Variants in GRIK2 observed in about 807,000 individuals in gnomAD.
GRIK2 encodes the protein glutamate ionotropic receptor kainate type subunit 2, also known as glutamate receptor ionotropic, kainate 2.
A neutral mutation model predicts 100.3 loss-of-function variants in GRIK2; 32 were observed. The observed-to-expected ratio is 0.32, with a 90% CI of 0.24 to 0.43. The LOEUF (loss-of-function observed/expected upper bound fraction) is 0.43, where lower values mean the gene tolerates loss of function less well. Ranked by LOEUF, GRIK2 falls within the 20% of genes least tolerant of loss-of-function variation. The pLI is 1.00. For missense variants in GRIK2, 843 were observed against 1,114.9 expected (o/e 0.76, Z 3.47); for synonymous variants, 417 against 389.4 (o/e 1.07, Z -0.83).
chr6:101,999,533 A>ATTG (rs1794822954), intron 14 of GRIK2, among the ~76,000 whole-genome samples: 1 of 152,058 alleles, frequency 6.6e-6, no homozygotes, highest in Non-Finnish European at 1.5e-5. Flanking sequence ...AACACAATTG[A>ATTG]TTGTTAATAG....
chr6:101,524,594 C>CA (rs1317921908), intron 2 of GRIK2, among the ~76,000 whole-genome samples: 1 of 152,050 alleles, frequency 6.6e-6, no homozygotes, highest in African/African-American at 2.4e-5. Flanking sequence ...GTGTGATGCC[C>CA]AAATAGTAGA....
At chr6:101,986,568 T>G (rs1794026937) in intron 14 of GRIK2, among the ~76,000 whole-genome samples, 1 of 152,028 alleles carries the variant, frequency 6.6e-6, no homozygotes, top group Admixed American at 6.6e-5. Flanking sequence ...TACAGAGGTT[T>G]GTTTGCTTTT....
intron 7 of GRIK2, among the ~76,000 whole-genome samples, chr6:101,751,030 A>G (rs1381688606): frequency 2.6e-5 from 4 of 152,184 alleles, no homozygotes. Context: ...ACCCTCTTTT[A>G]CCATGTACTA....
At chr6:101,804,963 G>A (rs893674928) in intron 9 of GRIK2, among the ~76,000 whole-genome samples, 19 of 151,906 alleles carry the variant, frequency 1.3e-4, no homozygotes, top group African/African-American at 4.6e-4. Context: ...ACAGCTCAAG[G>A]TCTAGATTCA....
intron 2 of GRIK2, among the ~76,000 whole-genome samples, chr6:101,403,341 C>T (rs1056799788): frequency 2.0e-5 from 3 of 152,174 alleles, no homozygotes; most frequent in Non-Finnish European, 4.4e-5. Flanking sequence ...TAACTTTTCT[C>T]TTAAAGACAA....
rs1378555985 is a variant in GRIK2 at position 102,068,366 on chromosome 6, T to C, written c.2582T>C (p.Met861Thr). 2 of 1,611,026 alleles carry C rather than the reference T, an allele frequency of 1.2e-6. No individual in the cohort carries two copies. Among genetic ancestry groups the C allele is most frequent in the East Asian group, 2.2e-5 (1 of 44,844 alleles). The stretch of plus-strand genomic sequence containing the variant: ...CTGTAGAGGTCCTTCTGTAGTGCCA[T>C]GGTAGAAGAATTGAGGATGTCCCTG... ...QLEKRSFCSA[M>T]VEELRMSLKC... The change falls in exon 17 of 17, where the codon ATG (methionine) becomes ACG (threonine). Residue 861 changes from methionine to threonine, a missense_variant. By Grantham distance (81) the Met-to-Thr change is moderately conservative (BLOSUM62 -1). Transcript: ENST00000369134.
chr6:101,554,215 A>G (rs191794467), intron 2 of GRIK2, among the ~76,000 whole-genome samples: 5 of 152,258 alleles, frequency 3.3e-5, no homozygotes, highest in Admixed American at 6.5e-5. Flanking sequence ...TAGAGACCCA[A>G]TGTGAGACCA....
At chr6:102,003,464 A>G (rs1379508535) in intron 14 of GRIK2, among the ~76,000 whole-genome samples, 2 of 151,798 alleles carry the variant, frequency 1.3e-5, no homozygotes, top group Non-Finnish European at 3.0e-5. Context: ...TGATTGTAAT[A>G]AACATACTAC....
chr6:101,510,389 C>A (rs1774238184), intron 2 of GRIK2, among the ~76,000 whole-genome samples: 1 of 152,084 alleles, frequency 6.6e-6, no homozygotes, highest in Non-Finnish European at 1.5e-5. Flanking sequence ...CTTCCAATCC[C>A]ATCATCTTAA....
intron 14 of GRIK2, among the ~76,000 whole-genome samples, chr6:101,976,442 AACC>A (rs1793385492): frequency 6.6e-6 from 1 of 151,988 alleles, no homozygotes; most frequent in Non-Finnish European, 1.5e-5. Flanking sequence ...CATGCCTGTA[AACC>A]CAGCACTTTG....
chr6:101,811,085 G>A (rs993955292), intron 9 of GRIK2, among the ~76,000 whole-genome samples: 3 of 152,066 alleles, frequency 2.0e-5, no homozygotes, highest in Non-Finnish European at 4.4e-5. Flanking sequence ...TCCAAGGGAA[G>A]TAGTCAATAT....
At chr6:101,930,804 ACT>A in intron 14 of GRIK2, among the ~76,000 whole-genome samples, 1 of 151,450 alleles carries the variant, frequency 6.6e-6, no homozygotes, top group Admixed American at 6.6e-5. Context: ...TTTCCTTGCT[ACT>A]GACTTTTCTT....
At chr6:101,725,360 A>C (rs1281799548) in intron 7 of GRIK2, among the ~76,000 whole-genome samples, 1 of 152,048 alleles carries the variant, frequency 6.6e-6, no homozygotes, top group Non-Finnish European at 1.5e-5. Flanking sequence ...AGTCCTCTCT[A>C]TTGTAATTTC....
intron 2 of GRIK2, among the ~76,000 whole-genome samples, chr6:101,616,788 C>T (rs192832283): frequency 1.3e-4 from 19 of 151,844 alleles, no homozygotes; most frequent in African/African-American, 4.3e-4. Context: ...CACCTCAATA[C>T]ATTTGATTCA....
chr6:101,934,506 G>A (rs1276117628), intron 14 of GRIK2, among the ~76,000 whole-genome samples: 1 of 151,812 alleles, frequency 6.6e-6, no homozygotes, highest in African/African-American at 2.4e-5. Context: ...TGCTAGTGTG[G>A]CATGCCTGCA....
chr6:101,648,018 G>C (rs1347026676), intron 4 of GRIK2, among the ~76,000 whole-genome samples: 1 of 151,942 alleles, frequency 6.6e-6, no homozygotes, highest in East Asian at 1.9e-4. Context: ...CTCATCCCCA[G>C]TTGTGACAAT....
At chr6:101,646,414 G>A (rs1781529766) in intron 4 of GRIK2, among the ~76,000 whole-genome samples, 1 of 151,516 alleles carries the variant, frequency 6.6e-6, no homozygotes, top group South Asian at 2.1e-4. Context: ...CTTCAGATAA[G>A]GTAAAAAGTA....
chr6:102,028,323 A>C (rs1489977535), intron 14 of GRIK2, among the ~76,000 whole-genome samples: 1 of 151,238 alleles, frequency 6.6e-6, no homozygotes, highest in Non-Finnish European at 1.5e-5. Context: ...AATCCATGAA[A>C]ACTGCTATTA....
intron 9 of GRIK2, among the ~76,000 whole-genome samples, chr6:101,814,674 CTCAG>C (rs1230850948): frequency 6.6e-6 from 1 of 152,072 alleles, no homozygotes; most frequent in Non-Finnish European, 1.5e-5. Context: ...ATTATCTGTG[CTCAG>C]TCATTCTAAT....
Sources: allele counts gnomAD v4.1 joint callset (sites outside exome capture counted in the v4.1 genomes callset), GRCh38; gene constraint gnomAD v4.1.1; transcripts MANE v1.5; gene names NCBI Gene and HGNC (gene_info 2026-07-23, HGNC 2026-07-21).